Variants in ATP2B2 observed in about 807,000 individuals in gnomAD.
ATP2B2 encodes the protein plasma membrane calcium-transporting ATPase 2.
In ATP2B2, 15 loss-of-function variants were observed where a neutral mutation model predicts 120.0. The observed-to-expected ratio is 0.12, with a 90% CI of 0.08 to 0.19. The LOEUF is 0.19. Ranked by LOEUF, ATP2B2 falls within the 10% of genes least tolerant of loss-of-function variation. ATP2B2 has a pLI of 1.00. For synonymous variants in ATP2B2, 694 were observed against 700.3 expected (o/e 0.99, Z 0.14); for missense variants, 1,045 against 1,719.8 (o/e 0.61, Z 6.94).
At chr3:10,690,432 ATATCTATCTATCTATC>A (rs58646066) in intron 1 of ATP2B2, among the ~76,000 whole-genome samples, 44 of 148,920 alleles carry the variant, frequency 3.0e-4, no homozygotes, top group African/African-American at 6.7e-4. Flanking sequence ...ATCTATATCT[ATATCTATCTATCTATC>A]TATCTATCTA....
chr3:10,461,661 G>C (rs769212617), intron 1 of ATP2B2, among the ~76,000 whole-genome samples: 1 of 152,146 alleles, frequency 6.6e-6, no homozygotes, highest in Non-Finnish European at 1.5e-5. Flanking sequence ...GGTGGGGGCT[G>C]TGAATTTTAA....
At chr3:10,574,279 G>T (rs75932913) in intron 2 of ATP2B2, among the ~76,000 whole-genome samples, 15,715 of 152,212 alleles carry the variant, frequency 0.1, 935 homozygotes, top group African/African-American at 0.16. Flanking sequence ...TGTGAGCTCT[G>T]TGGGGTAAGG....
rs1405062514 is a variant in ATP2B2, at chr3:10,388,361, C to A, written c.823G>T (p.Ala275Ser). ...MEGSGRMLVT[A>S]VGVNSQTGII... ...CCAGTCTGAGAGTTCACACCCACAGCAGTCACCAACATCCGTCCTGAGCCC... is the reference window on the plus strand; with the variant it reads ...CCAGTCTGAGAGTTCACACCCACAGAAGTCACCAACATCCGTCCTGAGCCC... Residue 275 changes from alanine (A) to serine (S), a missense_variant, in exon 6 of 23, where the codon GCT becomes TCT. Transcript: ENST00000360273. The A allele has an allele frequency of 6.2e-7, 1 of 1,614,180 alleles. No individual in the cohort carries two copies. The highest frequency in any genetic ancestry group is 1.1e-5 in the South Asian group (1 of 91,084).
At chr3:10,639,169 T>G (rs1459695184) in intron 1 of ATP2B2, among the ~76,000 whole-genome samples, 1 of 152,026 alleles carries the variant, frequency 6.6e-6, no homozygotes, top group Non-Finnish European at 1.5e-5. Context: ...TCATCAAAAT[T>G]TAAAACTTCT....
At chr3:10,499,930 T>C (rs1331344112) in intron 1 of ATP2B2, among the ~76,000 whole-genome samples, 1 of 147,572 alleles carries the variant, frequency 6.8e-6, no homozygotes, top group Non-Finnish European at 1.5e-5. Flanking sequence ...TTGGGCACAT[T>C]CTTTTTTTTT....
intron 2 of ATP2B2, among the ~76,000 whole-genome samples, chr3:10,618,193 G>C (rs2069448230): frequency 1.3e-5 from 2 of 152,220 alleles, no homozygotes; most frequent in Admixed American, 1.3e-4. Context: ...CTGGGTTCCA[G>C]TCCTGCATCT....
At chr3:10,683,736 A>C (rs1212215430) in intron 1 of ATP2B2, among the ~76,000 whole-genome samples, 1 of 124,194 alleles carries the variant, frequency 8.1e-6, no homozygotes, top group Non-Finnish European at 1.6e-5. Context: ...GTGTATATAT[A>C]TGTGTATATA....
chr3:10,619,586 A>G (rs1217780824), intron 2 of ATP2B2, among the ~76,000 whole-genome samples: 2 of 152,222 alleles, frequency 1.3e-5, no homozygotes, highest in African/African-American at 4.8e-5. Context: ...ACACCAAGGT[A>G]AAGTGGCAAT....
At chr3:10,517,671 C>A (rs2066903509) in intron 3 of ATP2B2, among the ~76,000 whole-genome samples, 1 of 152,298 alleles carries the variant, frequency 6.6e-6, no homozygotes, top group Non-Finnish European at 1.5e-5. Context: ...ATCCGTGCAA[C>A]CCCACTGGAG....
intron 13 of ATP2B2, 104 bp from the exon 14 acceptor site, chr3:10,359,029 T>G (rs1575006320): frequency 9.0e-7 from 1 of 1,109,610 alleles, no homozygotes; most frequent in Non-Finnish European, 1.3e-6. Context: ...CTGTGGCTGG[T>G]CATCCAGTGC....
At chr3:10,353,383 G>A (rs753583293) in intron 14 of ATP2B2, among the ~76,000 whole-genome samples, 21 of 152,232 alleles carry the variant, frequency 1.4e-4, no homozygotes, top group Non-Finnish European at 2.5e-4. Flanking sequence ...CTGGTTCCTG[G>A]CATTGTGCCA....
chr3:10,659,761 G>T (rs2070732095), intron 1 of ATP2B2, among the ~76,000 whole-genome samples: 1 of 152,128 alleles, frequency 6.6e-6, no homozygotes, highest in Non-Finnish European at 1.5e-5. Context: ...GACATCTACA[G>T]AACTCTCCAC....
Position 10,488,345 on chromosome 3 carries a change from CCAT to C in ATP2B2, c.-320+17117_-320+17119del, listed in dbSNP as rs2065793505. The stretch of plus-strand genomic sequence containing the variant: ...CAAATCCATCCATCCATCCATCCAT[CCAT>C]TCACTCACCCACAAATCGATCCATC... On this transcript the variant is annotated intron_variant, in intron 1 of 22. Transcript: ENST00000360273. 9.6e-5 allele frequency among the ~76,000 whole-genome samples: 14 copies of C among 145,812 alleles called. No homozygotes were observed. The East Asian group carries it at 2.1e-3, about 21-fold the overall frequency.
chr3:10,687,545 G>T (rs78333750), intron 1 of ATP2B2, among the ~76,000 whole-genome samples: 7,393 of 152,150 alleles, frequency 0.049, 216 homozygotes, highest in South Asian at 0.091. Context: ...AAAGAATTAG[G>T]TGATTTAAAG....
At chr3:10,558,197 G>A (rs921632114) in intron 2 of ATP2B2, among the ~76,000 whole-genome samples, 4 of 152,122 alleles carry the variant, frequency 2.6e-5, no homozygotes, top group Admixed American at 2.0e-4. Flanking sequence ...CCCAGCACCC[G>A]CACTCTCAGA....
intron 2 of ATP2B2, among the ~76,000 whole-genome samples, chr3:10,613,798 G>C (rs1182934416): frequency 1.3e-5 from 2 of 151,488 alleles, no homozygotes; most frequent in Non-Finnish European, 2.9e-5. Flanking sequence ...CCCCCACCCA[G>C]CCCACTCAAG....
chr3:10,341,926 C>G (rs1235392481), intron 19 of ATP2B2, among the ~76,000 whole-genome samples: 2 of 152,204 alleles, frequency 1.3e-5, no homozygotes, highest in African/African-American at 2.4e-5. Context: ...GGATCCATGC[C>G]CACCTCCATC....
intron 2 of ATP2B2, among the ~76,000 whole-genome samples, chr3:10,595,198 G>GGCTA (rs1480950307): frequency 6.6e-6 from 1 of 152,222 alleles, no homozygotes; most frequent in Non-Finnish European, 1.5e-5. Context: ...GCCGTTGAAG[G>GGCTA]GCTAGCATCT....
intron 3 of ATP2B2, among the ~76,000 whole-genome samples, chr3:10,514,608 T>C (rs2066840079): frequency 6.6e-6 from 1 of 152,214 alleles, no homozygotes; most frequent in Non-Finnish European, 1.5e-5. Flanking sequence ...CCACCGGCCT[T>C]GAGCACACTG....
Sources: allele counts gnomAD v4.1 joint callset (sites outside exome capture counted in the v4.1 genomes callset), GRCh38; gene constraint gnomAD v4.1.1; transcripts MANE v1.5; gene names NCBI Gene and HGNC (gene_info 2026-07-23, HGNC 2026-07-21).